Variants in LMNB1 observed in about 807,000 individuals in gnomAD.
LMNB1 encodes the protein lamin B1.
LMNB1 carries 23 observed loss-of-function variants against 67.1 expected under a neutral mutation model. The ratio of observed to expected loss-of-function variants is 0.34; its 90% CI spans 0.25 to 0.49. The LOEUF is 0.49. Ranked by LOEUF, LMNB1 falls within the 20% of genes least tolerant of loss-of-function variation. LMNB1 has a pLI of 0.99. For missense variants in LMNB1, 634 were observed against 746.5 expected, an observed-to-expected ratio of 0.85 and a Z score of 1.76; for synonymous variants, 281 against 282.9, an observed-to-expected ratio of 0.99 and a Z score of 0.07.
At chr5:126,785,448 C>A (rs560839764) in intron 1 of LMNB1, among the ~76,000 whole-genome samples, 1 of 150,972 alleles carries the variant, frequency 6.6e-6, no homozygotes, top group East Asian at 1.9e-4. Flanking sequence ...CACGCCACCA[C>A]GTCGGCTAAT....
intron 1 of LMNB1, among the ~76,000 whole-genome samples, chr5:126,800,528 G>A (rs1751243776): frequency 6.6e-6 from 1 of 151,272 alleles, no homozygotes; most frequent in African/African-American, 2.4e-5. Context: ...TAGGGGGACT[G>A]CCATGCCAAG....
chr5:126,785,480 C>CT (rs111537827), intron 1 of LMNB1, among the ~76,000 whole-genome samples: 10,724 of 137,376 alleles, frequency 0.078, 499 homozygotes, highest in Non-Finnish European at 0.11. Flanking sequence ...TTTTCTTTTT[C>CT]TTTTTTTTTT....
In LMNB1 at chr5:126,836,552, CTTTTTTTT is replaced by C. The variant is rs924069218; in HGVS notation, c.*290_*297del. On this transcript the variant is annotated 3_prime_UTR_variant, in exon 11 of 11. Transcript: ENST00000261366. ...GACTTTTTTTGTATGTGTGTTTTTT[CTTTTTTTT>C]TAAGTTCTTATGAGGAGGGGAGGGT... The C allele has an allele frequency of 1.2e-5, 4 of 341,946 alleles. No homozygotes were observed. The highest frequency in any genetic ancestry group is 2.1e-5 in the Non-Finnish European group (4 of 193,196). 21.2% of individuals were successfully genotyped at this position (341,946 alleles called of 1,614,324 possible).
At chr5:126,803,988 A>G (rs1751352023) in intron 1 of LMNB1, among the ~76,000 whole-genome samples, 1 of 151,916 alleles carries the variant, frequency 6.6e-6, no homozygotes, top group Non-Finnish European at 1.5e-5. Context: ...ATTAGTTCTT[A>G]CTAATATCAG....
intron 9 of LMNB1, among the ~76,000 whole-genome samples, chr5:126,831,448 T>C (rs1412219701): frequency 6.6e-6 from 1 of 152,230 alleles, no homozygotes; most frequent in African/African-American, 2.4e-5. Flanking sequence ...AATAGTTGCT[T>C]TCTGTCATAC....
At chr5:126,828,812 G>A (rs773122001) in intron 9 of LMNB1, among the ~76,000 whole-genome samples, 2 of 151,102 alleles carry the variant, frequency 1.3e-5, no homozygotes, top group Non-Finnish European at 3.0e-5. Context: ...CCGTCACCTC[G>A]GCCTCCCAAA....
chr5:126,784,816 C>A (rs887093263), intron 1 of LMNB1, among the ~76,000 whole-genome samples: 1 of 151,566 alleles, frequency 6.6e-6, no homozygotes, highest in South Asian at 2.1e-4. Flanking sequence ...CCCTCCACCA[C>A]GCCGGGCTAA....
intron 10 of LMNB1, among the ~76,000 whole-genome samples, chr5:126,835,672 G>A (rs1752232598): frequency 6.6e-6 from 1 of 152,226 alleles, no homozygotes; most frequent in East Asian, 1.9e-4. Flanking sequence ...ATTCTTATTT[G>A]ATTGATCAAG....
chr5:126,791,460 TTCTG>T (rs1444366880), intron 1 of LMNB1, among the ~76,000 whole-genome samples: 2 of 152,076 alleles, frequency 1.3e-5, no homozygotes, highest in African/African-American at 2.4e-5. Context: ...CTTCTTTTTA[TTCTG>T]TCTCTTTTTT....
chr5:126,785,918 G>T (rs1373699771), intron 1 of LMNB1, among the ~76,000 whole-genome samples: 6 of 151,688 alleles, frequency 4.0e-5, no homozygotes, highest in African/African-American at 1.4e-4. Context: ...GGAGGCTGAG[G>T]CAGGAGAACT....
chr5:126,796,386 G>T (rs780424885), intron 1 of LMNB1, among the ~76,000 whole-genome samples: 5 of 152,110 alleles, frequency 3.3e-5, no homozygotes, highest in Admixed American at 6.6e-5. Flanking sequence ...CTCACAGAAG[G>T]ACTAGTGCAG....
intron 1 of LMNB1, among the ~76,000 whole-genome samples, chr5:126,795,873 T>A (rs1317170465): frequency 6.7e-6 from 1 of 150,092 alleles, no homozygotes; most frequent in African/African-American, 2.4e-5. Context: ...TGATCCGCCT[T>A]CCTTGGCCTC....
intron 9 of LMNB1, among the ~76,000 whole-genome samples, chr5:126,827,353 G>GT (rs1399437717): frequency 6.6e-6 from 1 of 152,148 alleles, no homozygotes; most frequent in East Asian, 1.9e-4. Context: ...TCTGATAAAG[G>GT]TAATAAAGAT....
At chr5:126,799,370 T>A (rs1331724256) in intron 1 of LMNB1, among the ~76,000 whole-genome samples, 1 of 152,222 alleles carries the variant, frequency 6.6e-6, no homozygotes, top group African/African-American at 2.4e-5. Context: ...AGGAAAAATA[T>A]ATGAACACAG....
chr5:126,811,615 A>T (rs781376968), intron 4 of LMNB1, 158 bp from the exon 5 acceptor site: 17 of 540,504 alleles, frequency 3.1e-5, no homozygotes, highest in South Asian at 1.4e-4. Context: ...CAGAATTACC[A>T]TCATTCACAC....
At chr5:126,813,567 A>ATC (rs747816903) in intron 5 of LMNB1, among the ~76,000 whole-genome samples, 1 of 152,234 alleles carries the variant, frequency 6.6e-6, no homozygotes, top group Non-Finnish European at 1.5e-5. Context: ...TAAACAACAG[A>ATC]TATGTCAGAA....
rs181096175 is a variant in LMNB1, at chr5:126,777,210, A to C, written c.-299A>C. The stretch of plus-strand genomic sequence containing the variant: ...GCGGCGCGAACCCTGCTGGGCCTCC[A>C]GTCACCCTCGTCTTGCATTTTCCCG... On this transcript the variant is annotated 5_prime_UTR_variant, in exon 1 of 11. Transcript: ENST00000261366. 32 of 261,382 alleles carry C rather than the reference A, an allele frequency of 1.2e-4. No homozygotes were observed. The highest frequency in any genetic ancestry group is 6.3e-4 in the African/African-American group (28 of 44,570). 16.2% of individuals were successfully genotyped at this position (261,382 alleles called of 1,614,324 possible).
At chr5:126,834,445 G>T (rs1752202949) in intron 10 of LMNB1, among the ~76,000 whole-genome samples, 1 of 152,130 alleles carries the variant, frequency 6.6e-6, no homozygotes, top group Non-Finnish European at 1.5e-5. Flanking sequence ...AGAGTACCAG[G>T]TTTCTTAAAG....
intron 5 of LMNB1, among the ~76,000 whole-genome samples, chr5:126,816,146 C>T (rs557102281): frequency 1.5e-4 from 23 of 151,592 alleles, no homozygotes; most frequent in African/African-American, 4.1e-4. Flanking sequence ...AACATGGTAG[C>T]GGGGAAATGG....
Sources: allele counts gnomAD v4.1 joint callset (sites outside exome capture counted in the v4.1 genomes callset), GRCh38; gene constraint gnomAD v4.1.1; transcripts MANE v1.5; gene names NCBI Gene and HGNC (gene_info 2026-07-23, HGNC 2026-07-21).